Variants in PARP4 observed in about 807,000 individuals in gnomAD.
The protein encoded by PARP4 is protein mono-ADP-ribosyltransferase PARP4.
In PARP4, 120 loss-of-function variants were observed where a neutral mutation model predicts 187.7. That is an observed-to-expected ratio of 0.64 (90% confidence interval 0.55 to 0.74). The LOEUF (loss-of-function observed/expected upper bound fraction) is 0.74. Among genes scored for constraint, PARP4 ranks in the 30% least tolerant of loss-of-function variants. The pLI is 0.00. For missense variants in PARP4, 1,836 were observed against 2,070.5 expected (o/e 0.89, Z 2.20); for synonymous variants, 654 against 740.9 (o/e 0.88, Z 1.90).
At chr13:24,509,295 C>A (rs1466059412) in intron 1 of PARP4, among the ~76,000 whole-genome samples, 1 of 151,958 alleles carries the variant, frequency 6.6e-6, no homozygotes, top group Non-Finnish European at 1.5e-5. Flanking sequence ...TCGCTTGAGC[C>A]CAGGAGTTTG....
intron 30 of PARP4, among the ~76,000 whole-genome samples, chr13:24,438,877 T>G (rs1186481060): frequency 1.3e-5 from 2 of 152,218 alleles, no homozygotes; most frequent in Admixed American, 1.3e-4. Context: ...TTCAGTGGAA[T>G]GACTCCGTGT....
At chr13:24,508,702 C>T (rs1459784117) in intron 1 of PARP4, among the ~76,000 whole-genome samples, 1 of 152,018 alleles carries the variant, frequency 6.6e-6, no homozygotes, top group African/African-American at 2.4e-5. Flanking sequence ...TTAGTAGAGA[C>T]GGGGTTTCAC....
Position 24,469,044 on chromosome 13 carries a change from G to A in PARP4, c.2113C>T (p.Leu705=). ...EAVTQGHGAY[L]MSQDAPDVFT... ...CATACCGGAGCATCCTGACTCATCA[G>A]GTAAGCGCCATGGCCCTGGGTCACG... Residue 705 remains leucine (L), a synonymous_variant, in exon 17 of 34, where the codon CTG becomes TTG. Coordinates refer to ENST00000381989, the MANE Select transcript of PARP4 (RefSeq NM_006437.4). 1 of 1,613,454 alleles carries A rather than the reference G, an allele frequency of 6.2e-7. No homozygotes were observed. The highest frequency in any genetic ancestry group is 8.5e-7 in the Non-Finnish European group (1 of 1,179,384).
intron 1 of PARP4, among the ~76,000 whole-genome samples, chr13:24,507,613 C>T (rs1013905339): frequency 1.3e-5 from 2 of 152,254 alleles, no homozygotes; most frequent in African/African-American, 4.8e-5. Flanking sequence ...CCTCCTGCTG[C>T]CACCCTGGCC....
intron 1 of PARP4, among the ~76,000 whole-genome samples, chr13:24,506,305 T>A (rs1201459553): frequency 6.6e-6 from 1 of 152,064 alleles, no homozygotes; most frequent in Admixed American, 6.5e-5. Flanking sequence ...GCTGCAGACC[T>A]CCGCGATTTA....
chr13:24,502,500 C>G (rs1205688909), intron 2 of PARP4, among the ~76,000 whole-genome samples: 1 of 152,240 alleles, frequency 6.6e-6, no homozygotes, highest in African/African-American at 2.4e-5. Context: ...CTACACTATG[C>G]GTAGATACAT....
chr13:24,459,907 A>G lies in PARP4; in HGVS notation c.2298+65T>C. On this transcript the variant is annotated intron_variant, in intron 18 of 33. Coordinates refer to ENST00000381989, the MANE Select transcript of PARP4 (RefSeq NM_006437.4). ...TTTCTCCCCAGGCATAAATTCCTCC[A>G]CAGCCCTCCACCACTCCCCCTCCAC... is the stretch of plus-strand genomic sequence containing the variant. The G allele has an allele frequency of 6.5e-6, 9 of 1,393,388 alleles. No homozygotes were observed. The South Asian group carries it at 1.2e-4, about 19-fold the overall frequency. The allele number at this position is 1,393,388 out of a possible 1,614,324, so 86.3% of individuals were successfully genotyped here. A position where few individuals can be genotyped will look rare whatever the true frequency, so the allele number is the denominator to read the frequency against.
intron 12 of PARP4, among the ~76,000 whole-genome samples, 185 bp downstream of exon 12, chr13:24,484,468 T>C (rs1236157825): frequency 1.3e-5 from 2 of 152,118 alleles, no homozygotes; most frequent in East Asian, 3.8e-4. Flanking sequence ...CCACCATGTC[T>C]GGCATAAGGG....
rs17080742 is a variant in PARP4, at chr13:24,493,114, G to A, written c.879+482C>T. ...CAGTTGCACAAGTTGTACCATTGGG[G>A]TATCTTCTTTTGTCTGCTCTTTTCA... is the stretch of plus-strand genomic sequence containing the variant. On this transcript the variant is annotated intron_variant, in intron 8 of 33. Transcript: ENST00000381989. Among the ~76,000 whole-genome samples the A allele has an allele frequency of 4.1e-3, 627 of 152,314 alleles. 8 individuals carry two copies. Among genetic ancestry groups the A allele is most frequent in the African/African-American group, 0.014 (597 of 41,572 alleles).
intron 25 of PARP4, among the ~76,000 whole-genome samples, chr13:24,449,171 G>C (rs1190088404): frequency 1.3e-5 from 2 of 152,158 alleles, no homozygotes; most frequent in Admixed American, 1.3e-4. Flanking sequence ...GGCAGATCAT[G>C]AGGTCAGGAG....
At chr13:24,462,349 A>C (rs1297777522) in intron 17 of PARP4, among the ~76,000 whole-genome samples, 1 of 152,186 alleles carries the variant, frequency 6.6e-6, no homozygotes, top group East Asian at 1.9e-4. Context: ...TTTGAGACGG[A>C]GAGTAATAAT....
At chr13:24,440,748 T>A (rs1593594712) in intron 30 of PARP4, among the ~76,000 whole-genome samples, 3 of 151,102 alleles carry the variant, frequency 2.0e-5, no homozygotes, top group East Asian at 3.9e-4. Flanking sequence ...ACCACTGTGT[T>A]TACTGACTTT....
rs371250452 is a variant in PARP4, at chr13:24,434,379, G to T, written c.4746+16C>A. 239 of 1,520,726 alleles carry T rather than the reference G, an allele frequency of 1.6e-4. No homozygotes were observed. The highest frequency in any genetic ancestry group is 4.4e-4 in the Middle Eastern group (2 of 4,510). The allele number at this position is 1,520,726 out of a possible 1,614,324, so 94.2% of individuals were successfully genotyped here. On this transcript the variant is annotated intron_variant, in intron 31 of 33. Coordinates refer to ENST00000381989, the MANE Select transcript of PARP4 (RefSeq NM_006437.4). ...AGCCAGCCAACCACAGATTTAAGGAGAAATAAGACACATACCTCTGTCTGT... is the reference window on the plus strand; with the variant it reads ...AGCCAGCCAACCACAGATTTAAGGATAAATAAGACACATACCTCTGTCTGT...
intron 30 of PARP4, among the ~76,000 whole-genome samples, chr13:24,437,726 C>G (rs1870702829): frequency 6.6e-6 from 1 of 151,990 alleles, no homozygotes; most frequent in Non-Finnish European, 1.5e-5. Context: ...AGCATCCCAG[C>G]TACTCAGGAG....
intron 1 of PARP4, among the ~76,000 whole-genome samples, chr13:24,506,925 C>T (rs531771716): frequency 1.3e-5 from 2 of 152,334 alleles, no homozygotes; most frequent in Admixed American, 6.5e-5. Flanking sequence ...TCAGACATGG[C>T]GGGCTGCAGG....
chr13:24,422,774 A>G (rs1869811824), intron 33 of PARP4, among the ~76,000 whole-genome samples: 1 of 151,918 alleles, frequency 6.6e-6, no homozygotes, highest in African/African-American at 2.4e-5. Flanking sequence ...ACACCCAGCT[A>G]GTTTTTGTAT....
rs369017366 is a variant in PARP4 at position 24,510,411 on chromosome 13, G to A, written c.-2+2295C>T. ...CTACTAAAAATACAAAAAATTAGCC[G>A]GGCGTAGTGGCGGGTGCCTGTAGTC... On this transcript the variant is annotated intron_variant, in intron 1 of 33. Transcript: ENST00000381989. Among the ~76,000 whole-genome samples the A allele has an allele frequency of 1.7e-3, 253 of 151,954 alleles. 3 individuals carry two copies. The East Asian group carries it at 0.029, about 18-fold the overall frequency.
intron 30 of PARP4, among the ~76,000 whole-genome samples, chr13:24,437,006 A>G (rs2137445593): frequency 6.6e-6 from 1 of 152,306 alleles, no homozygotes; most frequent in South Asian, 2.1e-4. Flanking sequence ...ATGGACTAGA[A>G]CTATCAGATA....
intron 1 of PARP4, among the ~76,000 whole-genome samples, chr13:24,509,037 T>A (rs952979678): frequency 2.0e-5 from 3 of 152,158 alleles, no homozygotes; most frequent in Non-Finnish European, 4.4e-5. Context: ...CTTGTTTCCA[T>A]CTCCAACAAT....
Sources: gnomAD v4.1 joint callset for allele counts (sites outside exome capture counted in the v4.1 genomes callset) on GRCh38, gnomAD v4.1.1 for gene constraint, MANE v1.5 for transcripts, NCBI Gene and HGNC (gene_info 2026-07-23, HGNC 2026-07-21) for gene names.